AGTR1: variants seen among roughly 807,000 people sequenced by gnomAD.
The protein encoded by AGTR1 is type-1 angiotensin II receptor.
A neutral mutation model predicts 19.4 loss-of-function variants in AGTR1; 16 were observed. The ratio of observed to expected loss-of-function variants is 0.82; its 90% CI spans 0.56 to 1.25. AGTR1 has a LOEUF of 1.25. AGTR1 is among the 50% of genes most tolerant of loss of function. AGTR1 has a pLI of 0.00. For missense variants in AGTR1, 373 were observed against 431.9 expected, an observed-to-expected ratio of 0.86 and a Z score of 1.21; for synonymous variants, 153 against 154.9, an observed-to-expected ratio of 0.99 and a Z score of 0.09.
intron 2 of AGTR1, among the ~76,000 whole-genome samples, chr3:148,709,548 T>C (rs1042347831): frequency 3.9e-5 from 6 of 152,170 alleles, no homozygotes; most frequent in Non-Finnish European, 8.8e-5. Flanking sequence ...AAGCAAAACA[T>C]ACTTAAGTCT....
intron 2 of AGTR1, among the ~76,000 whole-genome samples, chr3:148,717,802 G>A (rs538677005): frequency 4.6e-5 from 7 of 152,250 alleles, no homozygotes; most frequent in Middle Eastern, 3.4e-3. Context: ...TTATTGTGCC[G>A]TGAATTAGTT....
chr3:148,699,803 C>T lies in AGTR1; in HGVS notation c.-132+1676C>T, dbSNP rs553354489. ...AAGTCTGTTACCCACTCTCTCTCCC[C>T]GCCACCTTTTTTCCCCCTGACTTCA... On this transcript the variant is annotated intron_variant, in intron 1 of 2. Coordinates refer to ENST00000349243, the MANE Select transcript of AGTR1 (RefSeq NM_000685.5). Among the ~76,000 whole-genome samples the T allele has an allele frequency of 3.9e-5, 6 of 152,250 alleles. No individual in the cohort carries two copies. In the East Asian group the frequency reaches 7.7e-4, roughly 20 times the overall value.
intron 2 of AGTR1, 139 bp from the exon 3 acceptor site, chr3:148,740,850 C>T (rs1194920379): frequency 2.8e-6 from 2 of 725,064 alleles, no homozygotes; most frequent in Non-Finnish European, 4.4e-6. Context: ...CACAGTGTTT[C>T]CTTAAGAAAT....
chr3:148,710,900 C>G (rs1443656807), intron 2 of AGTR1, among the ~76,000 whole-genome samples: 1 of 152,026 alleles, frequency 6.6e-6, no homozygotes, highest in Admixed American at 6.6e-5. Flanking sequence ...GACACCTCCC[C>G]CCTCTCTCTC....
chr3:148,707,614 GA>G (rs879725622), intron 1 of AGTR1, among the ~76,000 whole-genome samples: 68,158 of 151,878 alleles, frequency 0.45, 17,656 homozygotes, highest in African/African-American at 0.73. Context: ...TACATTTATA[GA>G]CATTTCTTAC....
intron 1 of AGTR1, among the ~76,000 whole-genome samples, chr3:148,698,659 G>A (rs1387627935): frequency 3.3e-5 from 5 of 152,006 alleles, no homozygotes; most frequent in Non-Finnish European, 7.4e-5. Flanking sequence ...TCCTAGACAC[G>A]GGACATCGCT....
At chr3:148,726,013 T>C (rs1011296288) in intron 2 of AGTR1, among the ~76,000 whole-genome samples, 1 of 152,226 alleles carries the variant, frequency 6.6e-6, no homozygotes, top group African/African-American at 2.4e-5. Context: ...ATACTGTCTT[T>C]TGAAAAAGTT....
chr3:148,740,447 T>C (rs1319872840), intron 2 of AGTR1, among the ~76,000 whole-genome samples: 1 of 152,216 alleles, frequency 6.6e-6, no homozygotes, highest in Non-Finnish European at 1.5e-5. Context: ...GTGACCAATT[T>C]GTCAGTCACC....
At chr3:148,736,275 C>T (rs1714567691) in intron 2 of AGTR1, among the ~76,000 whole-genome samples, 1 of 152,138 alleles carries the variant, frequency 6.6e-6, no homozygotes, top group South Asian at 2.1e-4. Flanking sequence ...CACAATGAGC[C>T]AACACCTATG....
chr3:148,722,571 C>G (rs1030423242), intron 2 of AGTR1, among the ~76,000 whole-genome samples: 3 of 152,070 alleles, frequency 2.0e-5, no homozygotes, highest in African/African-American at 7.3e-5. Context: ...CACTCTGTAG[C>G]CCCTTTCTCA....
rs1229680209 is a variant in AGTR1, at chr3:148,741,233, T to G, written c.198T>G (p.Phe66Leu). ...AGCTGAAGACTGTGGCCAGTGTTTT[T>G]CTTTTGAATTTAGCACTGGCTGACT... ...YMKLKTVASV[F>L]LLNLALADLC... The change falls in exon 3 of 3, where the codon TTT becomes TTG. Residue 66 changes from phenylalanine (F) to leucine (L), a missense_variant. Physicochemically the swap from Phe to Leu is conservative, Grantham distance 22 (BLOSUM62 0). Coordinates refer to ENST00000349243, the MANE Select transcript of AGTR1 (RefSeq NM_000685.5). 1.9e-6 allele frequency: 3 copies of G among 1,614,128 alleles called. No individual in the cohort carries two copies. The African/African-American group carries it at 4.0e-5, about 22-fold the overall frequency.
intron 2 of AGTR1, among the ~76,000 whole-genome samples, chr3:148,734,778 T>G (rs1714480002): frequency 6.6e-6 from 1 of 152,176 alleles, no homozygotes; most frequent in African/African-American, 2.4e-5. Flanking sequence ...TCTGCCATGC[T>G]TCCCTCTTCG....
rs138201901 is a variant in AGTR1, at chr3:148,707,436, C to T, written c.-131-508C>T. ...TCTGTAACTTGACATTTATACGACG[C>T]GTTAGCATTACTTCTGGGAAAAAGA... On this transcript the variant is annotated intron_variant, in intron 1 of 2. Coordinates refer to ENST00000349243, the MANE Select transcript of AGTR1 (RefSeq NM_000685.5). 5.8e-3 allele frequency among the ~76,000 whole-genome samples: 875 copies of T among 151,930 alleles called. 3 individuals are homozygous for T. The highest frequency in any genetic ancestry group is 0.02 in the Middle Eastern group (6 of 294).
intron 2 of AGTR1, among the ~76,000 whole-genome samples, chr3:148,738,963 A>C (rs1361310601): frequency 6.6e-6 from 1 of 152,236 alleles, no homozygotes; most frequent in Non-Finnish European, 1.5e-5. Context: ...CCTACACCAG[A>C]AAACAAGGAA....
rs1012101244 is a variant in AGTR1 at position 148,702,730 on chromosome 3, G to A, written c.-132+4603G>A. ...TTATAACTCCTTTGACAGTATGGAT[G>A]GCACCTAACGCATCCTTGTTTTCTT... On this transcript the variant is annotated intron_variant, in intron 1 of 2. Transcript: ENST00000349243. Among the ~76,000 whole-genome samples, 40 of 152,128 alleles carry A rather than the reference G, an allele frequency of 2.6e-4. 1 individual carries two copies. The highest frequency in any genetic ancestry group is 5.3e-4 in the Non-Finnish European group (36 of 68,034).
rs1713334947 is a variant in AGTR1, at chr3:148,716,921, TAAAAG to T, written c.-48+8896_-48+8900del. On this transcript the variant is annotated intron_variant, in intron 2 of 2. Coordinates refer to ENST00000349243, the MANE Select transcript of AGTR1 (RefSeq NM_000685.5). This position sits in a 1 kb window ranked among gnomAD's most constrained non-coding sequence, Gnocchi z 4.7. The stretch of plus-strand genomic sequence containing the variant: ...AAGCTGTCATTCAGATCAGAAAAAA[TAAAAG>T]AGAGAGATGAATTAATCTCAATGGC... Among the ~76,000 whole-genome samples the T allele has an allele frequency of 6.6e-6, 1 of 151,942 alleles. No homozygotes were observed. The highest frequency in any genetic ancestry group is 2.4e-5 in the African/African-American group (1 of 41,354).
intron 1 of AGTR1, among the ~76,000 whole-genome samples, chr3:148,705,777 A>C (rs538404138): frequency 5.9e-5 from 9 of 151,750 alleles, no homozygotes; most frequent in Non-Finnish European, 1.3e-4. Context: ...AGTAAGTGAA[A>C]AAATCACTGT....
chr3:148,701,217 G>T (rs2107923002), intron 1 of AGTR1, among the ~76,000 whole-genome samples: 1 of 152,224 alleles, frequency 6.6e-6, no homozygotes, highest in African/African-American at 2.4e-5. Flanking sequence ...ACTATAAATT[G>T]CCAGATGTTT....
intron 1 of AGTR1, among the ~76,000 whole-genome samples, chr3:148,706,243 C>T (rs575380629): frequency 1.7e-3 from 254 of 151,836 alleles, no homozygotes; most frequent in Non-Finnish European, 2.8e-3. Context: ...ACTAGTGTCT[C>T]ACAAAGAGTC....
Sources: allele counts gnomAD v4.1 joint callset (sites outside exome capture counted in the v4.1 genomes callset), GRCh38; gene constraint gnomAD v4.1.1; non-coding constraint Gnocchi (gnomAD v3.1); transcripts MANE v1.5; gene names NCBI Gene and HGNC (gene_info 2026-07-23, HGNC 2026-07-21).